SYNRG: variants seen among roughly 807,000 people sequenced by gnomAD.
SYNRG encodes synergin gamma.
SYNRG carries 37 observed loss-of-function variants against 130.9 expected under a neutral mutation model. The observed-to-expected ratio is 0.28, with a 90% CI of 0.22 to 0.37. SYNRG has a LOEUF of 0.37. Among genes scored for constraint, SYNRG ranks in the 10% least tolerant of loss-of-function variants. SYNRG has a pLI of 1.00. For missense variants in SYNRG, 1,338 were observed against 1,588.9 expected, an observed-to-expected ratio of 0.84 and a Z score of 2.68; for synonymous variants, 539 against 568.1, an observed-to-expected ratio of 0.95 and a Z score of 0.73.
chr17:37,575,840 CAAA>C (rs1187221456), intron 8 of SYNRG, among the ~76,000 whole-genome samples: 6 of 63,360 alleles, frequency 9.5e-5, no homozygotes, highest in Admixed American at 3.8e-4. Context: ...GACCTTGTCT[CAAA>C]AAAAAAAAAA....
intron 6 of SYNRG, among the ~76,000 whole-genome samples, chr17:37,581,614 T>G (rs1488377353): frequency 6.6e-6 from 1 of 151,340 alleles, no homozygotes; most frequent in East Asian, 1.9e-4. Context: ...GGAGATGGAG[T>G]CTAGCTCTGT....
At chr17:37,583,545 A>C (rs1004313963) in intron 6 of SYNRG, among the ~76,000 whole-genome samples, 13 of 152,220 alleles carry the variant, frequency 8.5e-5, no homozygotes, top group Non-Finnish European at 1.9e-4. Context: ...AGGTACTATA[A>C]TACAAGGGTT....
intron 6 of SYNRG, chr17:37,579,554 G>T: frequency 1.4e-6 from 1 of 732,740 alleles, no homozygotes. Flanking sequence ...AGGTGAACAA[G>T]AAATAACAAG....
chr17:37,529,724 C>T (rs183468885), intron 19 of SYNRG: 20 of 1,495,556 alleles, frequency 1.3e-5, no homozygotes, highest in African/African-American at 2.8e-5. Context: ...AGGAATCTCC[C>T]CACTTATCCT....
intron 1 of SYNRG, chr17:37,605,960 A>T (rs1441871547): frequency 1.0e-6 from 1 of 985,318 alleles, no homozygotes; most frequent in Non-Finnish European, 1.2e-6. Context: ...TTTCTAATTC[A>T]TCTGATGCAG....
intron 3 of SYNRG, among the ~76,000 whole-genome samples, chr17:37,587,686 C>A (rs1212616598): frequency 1.3e-5 from 2 of 152,208 alleles, no homozygotes; most frequent in Admixed American, 1.3e-4. Flanking sequence ...CCATTCTACC[C>A]CCAAACTGCT....
chr17:37,537,754 T>G (rs777625843), intron 18 of SYNRG, among the ~76,000 whole-genome samples: 2 of 152,150 alleles, frequency 1.3e-5, no homozygotes, highest in Admixed American at 6.5e-5. Context: ...GACGATACTC[T>G]TTGGAGAGAT....
rs368318560 is a variant in SYNRG, at chr17:37,599,201, T to C, written c.118+1162A>G. Among the ~76,000 whole-genome samples the C allele has an allele frequency of 5.9e-5, 9 of 152,190 alleles. No homozygotes were observed. The East Asian group carries it at 1.5e-3, about 26-fold the overall frequency. On this transcript the variant is annotated intron_variant, in intron 2 of 21. Coordinates refer to ENST00000612223, the MANE Select transcript of SYNRG (RefSeq NM_007247.6). ...GCCAGTTTTCAGAAGCAGCTTGGTG[T>C]GACGGGAGAGGGAAGACTGTCAGAG...
At chr17:37,535,909 A>G (rs2057143345) in intron 19 of SYNRG, 70 bp downstream of exon 19, 4 of 1,593,582 alleles carry the variant, frequency 2.5e-6, no homozygotes, top group Non-Finnish European at 3.4e-6. Flanking sequence ...CATCATAGGA[A>G]TATACACTCT....
rs1018616666 is a variant in SYNRG at position 37,541,024 on chromosome 17, T to G, written c.3203-481A>C. 8 of 986,880 alleles carry G rather than the reference T, an allele frequency of 8.1e-6. No individual in the cohort carries two copies. In the Admixed American group the frequency reaches 1.8e-4, roughly 22 times the overall value. The allele number at this position is 986,880 out of a possible 1,614,324, so 61.1% of individuals were successfully genotyped here. A position where few individuals can be genotyped will look rare whatever the true frequency, so the allele number is the denominator to read the frequency against. On this transcript the variant is annotated intron_variant, in intron 15 of 21. Transcript: ENST00000612223. ...TCTGGGAAGCTACATGTTAAATCTT[T>G]TCTACTGTTCTCTCTTGCACGGTTT...
At chr17:37,607,912 C>T (rs1301491956) in intron 1 of SYNRG, among the ~76,000 whole-genome samples, 4 of 145,958 alleles carry the variant, frequency 2.7e-5, no homozygotes, top group Non-Finnish European at 4.5e-5. Flanking sequence ...GTCGAGATCA[C>T]GCCGCCGCAC....
At chr17:37,589,355 A>C (rs1568498808) in intron 3 of SYNRG, among the ~76,000 whole-genome samples, 1 of 152,258 alleles carries the variant, frequency 6.6e-6, no homozygotes. Flanking sequence ...AAGGAAAGAC[A>C]GATACAGCAA....
intron 16 of SYNRG, among the ~76,000 whole-genome samples, chr17:37,539,905 C>T (rs904419201): frequency 3.9e-5 from 6 of 152,160 alleles, no homozygotes; most frequent in African/African-American, 9.7e-5. Flanking sequence ...CCAGTTATAA[C>T]GCTGTGTGGC....
rs931014871 is a variant in SYNRG, at chr17:37,517,167, T to C, written c.*1773A>G. ...AGGCGGAGGTTGCACTGAGCTGAGA[T>C]TGTGCCATTGCACTCAAGCCTGGGC... On this transcript the variant is annotated 3_prime_UTR_variant, in exon 22 of 22. Transcript: ENST00000612223. 4 of 152,588 alleles carry C rather than the reference T, an allele frequency of 2.6e-5. No individual in the cohort carries two copies. Among genetic ancestry groups the C allele is most frequent in the African/African-American group, 9.7e-5 (4 of 41,442 alleles). 9.5% of individuals were successfully genotyped at this position (152,588 alleles called of 1,614,324 possible). A position where few individuals can be genotyped will look rare whatever the true frequency, so the allele number is the denominator to read the frequency against.
rs751151659 is a variant in SYNRG at position 37,542,459 on chromosome 17, G to A, written c.2715C>T (p.Gly905=). ...AGAGGACAAATGGAGAGAGTTTTCT[G>A]CCCTGAGTTGCATCATCCCTGTCTG... is the stretch of plus-strand genomic sequence containing the variant. ...DWSDRDDATQ[G]RKLSPFVLSA... is the part of the protein sequence containing the mutation. The change falls in exon 15 of 22, where the codon GGC becomes GGT. Residue 905 remains glycine (G), a synonymous_variant. Transcript: ENST00000612223. The A allele has an allele frequency of 2.5e-6, 4 of 1,613,948 alleles. No homozygotes were observed. The highest frequency in any genetic ancestry group is 3.4e-6 in the Non-Finnish European group (4 of 1,180,028).
intron 12 of SYNRG, 36 bp from the exon 13 acceptor site, chr17:37,561,293 G>A (rs1330283115): frequency 6.2e-7 from 1 of 1,604,276 alleles, no homozygotes; most frequent in Admixed American, 1.7e-5. Context: ...GTTAAGGTTA[G>A]GAATCTTGAA....
At chr17:37,525,759 C>G (rs568897268) in intron 19 of SYNRG, among the ~76,000 whole-genome samples, 1 of 149,922 alleles carries the variant, frequency 6.7e-6, no homozygotes, top group African/African-American at 2.5e-5. Context: ...CGAGGTCAGG[C>G]TTTGGAGACC....
intron 19 of SYNRG, among the ~76,000 whole-genome samples, chr17:37,529,538 C>CAAAAA (rs3049513): frequency 1.6e-4 from 20 of 124,474 alleles, no homozygotes; most frequent in African/African-American, 2.8e-4. Context: ...ATATATTTTA[C>CAAAAA]AAAAAAAAAA....
intron 1 of SYNRG, among the ~76,000 whole-genome samples, chr17:37,601,996 A>AAC (rs1212499280): frequency 5.9e-5 from 9 of 151,974 alleles, no homozygotes; most frequent in African/African-American, 2.4e-5. Flanking sequence ...AGCCTGGGCG[A>AAC]CAGAGTGAGA....
Sources: allele counts gnomAD v4.1 joint callset (sites outside exome capture counted in the v4.1 genomes callset), GRCh38; gene constraint gnomAD v4.1.1; transcripts MANE v1.5; gene names NCBI Gene and HGNC (gene_info 2026-07-23, HGNC 2026-07-21).